The following TENM4 variants were observed in gnomAD, a reference collection of about 807,000 sequenced individuals.
TENM4 encodes the protein teneurin-4.
In TENM4, 82 loss-of-function variants were observed where a neutral mutation model predicts 243.3. The observed-to-expected ratio is 0.34, with a 90% CI of 0.28 to 0.40. The LOEUF is 0.40. Ranked by LOEUF, TENM4 falls within the 10% of genes least tolerant of loss-of-function variation. The pLI, the probability that TENM4 is intolerant of heterozygous loss-of-function variation, is 1.00. For synonymous variants in TENM4, 1,412 were observed against 1,456.3 expected, an observed-to-expected ratio of 0.97 and a Z score of 0.69; for missense variants, 3,138 against 3,673.3, an observed-to-expected ratio of 0.85 and a Z score of 3.77.
intron 24 of TENM4, among the ~76,000 whole-genome samples, chr11:78,720,782 A>C (rs1310116145): frequency 6.6e-6 from 1 of 152,188 alleles, no homozygotes; most frequent in African/African-American, 2.4e-5. Context: ...ACACTTCCCT[A>C]CAAAGAGTTA....
At position 79,248,954 on chromosome 11, in the gene TENM4, GGAA is replaced by G. The variant is rs1855565076; in HGVS notation, c.-264-33048_-264-33046del. On this transcript the variant is annotated intron_variant, in intron 2 of 33. Coordinates refer to ENST00000278550, the MANE Select transcript of TENM4 (RefSeq NM_001098816.3). ...GCCAGGAAAGAGGAAGAGGAAGAGA[GGAA>G]GAAGAATATTTTCTGAATTTCAGCT... 2.0e-5 allele frequency among the ~76,000 whole-genome samples: 3 copies of G among 152,278 alleles called. No individual in the cohort carries two copies. In the South Asian group the frequency reaches 6.2e-4, roughly 32 times the overall value.
At chr11:78,912,503 G>A (rs1322570259) in intron 6 of TENM4, among the ~76,000 whole-genome samples, 5 of 152,142 alleles carry the variant, frequency 3.3e-5, no homozygotes, top group African/African-American at 1.2e-4. Context: ...GATTTGGCCC[G>A]CCTCGGCCTC....
chr11:79,243,915 A>G (rs1174119891), intron 2 of TENM4, among the ~76,000 whole-genome samples: 4 of 152,188 alleles, frequency 2.6e-5, no homozygotes, highest in Non-Finnish European at 5.9e-5. Context: ...TGTGGACGAG[A>G]TTCAACTGGG....
At position 78,738,729 on chromosome 11, in the gene TENM4, T is replaced by A. The variant is rs1855854663; in HGVS notation, c.2757-159A>T. On this transcript the variant is annotated intron_variant, in intron 19 of 33. Coordinates refer to ENST00000278550, the MANE Select transcript of TENM4 (RefSeq NM_001098816.3). ...TTCACTCAAGATGCATAATAATCTT[T>A]AAAAAATATCACCTCAGTTTAGGGC... Among the ~76,000 whole-genome samples the A allele has an allele frequency of 4.6e-5, 7 of 152,190 alleles. No homozygotes were observed. The South Asian group carries it at 1.4e-3, about 32-fold the overall frequency.
intron 18 of TENM4, among the ~76,000 whole-genome samples, chr11:78,760,894 T>C (rs2135965268): frequency 6.6e-6 from 1 of 152,388 alleles, no homozygotes; most frequent in Non-Finnish European, 1.5e-5. Context: ...TGGTCTGCTG[T>C]TTAATTTGTT....
At position 79,420,131 on chromosome 11, in the gene TENM4, C is replaced by T. The variant is rs541343057; in HGVS notation, c.-321+20378G>A. 7.8e-4 allele frequency among the ~76,000 whole-genome samples: 119 copies of T among 152,336 alleles called. 3 individuals carry two copies. The South Asian group carries it at 0.024, about 31-fold the overall frequency. On this transcript the variant is annotated intron_variant, in intron 1 of 33. Coordinates refer to ENST00000278550, the MANE Select transcript of TENM4 (RefSeq NM_001098816.3). ...TTGTCTTTTAGCTCCTTCAAGGATG[C>T]AAATCCTTCCCAATCTATGGTAAAG...
intron 3 of TENM4, among the ~76,000 whole-genome samples, chr11:79,194,371 G>A (rs1272250789): frequency 6.6e-6 from 1 of 152,038 alleles, no homozygotes; most frequent in African/African-American, 2.4e-5. Flanking sequence ...GTAACAGGAA[G>A]AGATTGGAAC....
At position 79,412,070 on chromosome 11, in the gene TENM4, G is replaced by A. The variant is rs1485653451; in HGVS notation, c.-321+28439C>T. 3.3e-5 allele frequency among the ~76,000 whole-genome samples: 5 copies of A among 152,270 alleles called. No homozygotes were observed. The East Asian group carries it at 5.8e-4, about 18-fold the overall frequency. On this transcript the variant is annotated intron_variant, in intron 1 of 33. Transcript: ENST00000278550. ...GCTCAGCCTTCCTGTTAGAAGTCAG[G>A]CCCTGGTGGCCAGGCCTGGCATGGA...
chr11:78,699,054 T>C (rs1859041862), intron 28 of TENM4, among the ~76,000 whole-genome samples: 2 of 152,224 alleles, frequency 1.3e-5, no homozygotes, highest in South Asian at 2.1e-4. Flanking sequence ...TTACTTGCAG[T>C]TGCTCCTGGG....
At chr11:79,390,419 C>A (rs555374765) in intron 1 of TENM4, among the ~76,000 whole-genome samples, 1 of 152,222 alleles carries the variant, frequency 6.6e-6, no homozygotes, top group South Asian at 2.1e-4. Flanking sequence ...CTTCCTGGCA[C>A]CTCTGTGCAT....
chr11:79,164,536 GTACTATATATATCTATA>G (rs1591326594), intron 3 of TENM4, among the ~76,000 whole-genome samples: 2 of 138,868 alleles, frequency 1.4e-5, no homozygotes, highest in Non-Finnish European at 3.0e-5. Flanking sequence ...ATACTATATA[GTACTATATATATCTATA>G]TACTATATAT....
intron 6 of TENM4, among the ~76,000 whole-genome samples, chr11:78,960,357 A>G (rs1857291879): frequency 6.6e-6 from 1 of 152,100 alleles, no homozygotes; most frequent in African/African-American, 2.4e-5. Flanking sequence ...GATCTCTCTG[A>G]TTTCCAAAGA....
At chr11:79,369,774 C>T (rs905682095) in intron 1 of TENM4, among the ~76,000 whole-genome samples, 2 of 152,216 alleles carry the variant, frequency 1.3e-5, no homozygotes, top group African/African-American at 4.8e-5. Context: ...CTTCTCTCAA[C>T]TGTGACTGGG....
chr11:79,129,256 C>T (rs1028022087), intron 4 of TENM4, among the ~76,000 whole-genome samples: 38 of 151,942 alleles, frequency 2.5e-4, no homozygotes, highest in African/African-American at 9.2e-4. Flanking sequence ...TGCCTGGCAC[C>T]AGAGGGATCC....
At chr11:79,318,493 A>G (rs935472165) in intron 1 of TENM4, among the ~76,000 whole-genome samples, 1 of 152,194 alleles carries the variant, frequency 6.6e-6, no homozygotes, top group Non-Finnish European at 1.5e-5. Flanking sequence ...CTTGATTTGT[A>G]GTGTTTGCTG....
intron 16 of TENM4, among the ~76,000 whole-genome samples, chr11:78,780,896 A>C (rs1483580115): frequency 6.6e-6 from 1 of 152,178 alleles, no homozygotes; most frequent in East Asian, 1.9e-4. Flanking sequence ...CAGGAGACAA[A>C]AGTAGACATT....
intron 9 of TENM4, among the ~76,000 whole-genome samples, chr11:78,878,404 G>T (rs1454955695): frequency 6.6e-6 from 1 of 152,116 alleles, no homozygotes; most frequent in African/African-American, 2.4e-5. Flanking sequence ...CAATTGTGAG[G>T]AGCACCACAA....
chr11:79,142,529 ATCAATATTGTTAAAATAC>A (rs1862306057), intron 4 of TENM4, among the ~76,000 whole-genome samples: 1 of 152,134 alleles, frequency 6.6e-6, no homozygotes, highest in East Asian at 1.9e-4. Context: ...GATTGGAAGA[ATCAATATTGTTAAAATAC>A]TCATGCTACC....
rs76209198 is a variant in TENM4 at position 78,716,475 on chromosome 11, C to T, written c.3822-3761G>A. 6.9e-3 allele frequency among the ~76,000 whole-genome samples: 1,046 copies of T among 152,284 alleles called. 17 individuals carry two copies. The highest frequency in any genetic ancestry group is 0.024 in the African/African-American group (1,010 of 41,554). ...AGGAGGGACTGATTACCAGTCTCTG[C>T]GGCTTTGAACTGGGCTGATGCAGAA... is the stretch of plus-strand genomic sequence containing the variant. On this transcript the variant is annotated intron_variant, in intron 25 of 33. Coordinates refer to ENST00000278550, the MANE Select transcript of TENM4 (RefSeq NM_001098816.3).
Sources: gnomAD v4.1 joint callset for allele counts (sites outside exome capture counted in the v4.1 genomes callset) on GRCh38, gnomAD v4.1.1 for gene constraint, MANE v1.5 for transcripts, NCBI Gene and HGNC (gene_info 2026-07-23, HGNC 2026-07-21) for gene names.